The following ABCG5 variants were observed in gnomAD, a reference collection of about 807,000 sequenced individuals.
The protein encoded by ABCG5 is ATP binding cassette subfamily G member 5.
ABCG5 carries 64 observed loss-of-function variants against 64.5 expected under a neutral mutation model. The ratio of observed to expected loss-of-function variants is 0.99; its 90% CI spans 0.81 to 1.22. ABCG5 has a LOEUF of 1.22. ABCG5 is among the 50% of genes most tolerant of loss of function. The pLI is 0.00. For synonymous variants in ABCG5, 385 were observed against 326.3 expected (o/e 1.18, Z -1.94); for missense variants, 908 against 829.5 (o/e 1.09, Z -1.16).
At position 43,823,906 on chromosome 2, in the gene ABCG5, C is replaced by CACT; in HGVS notation, c.1324+4_1324+6dup. 2 of 1,613,720 alleles carry CACT rather than the reference C, an allele frequency of 1.2e-6. No individual in the cohort carries two copies. The highest frequency in any genetic ancestry group is 1.1e-5 in the South Asian group (1 of 91,054). On this transcript the variant is annotated splice_region_variant and intron_variant, in intron 9 of 12. Transcript: ENST00000405322. ...AAGAGGTGCACCTCCAGCACGTGGGCACTTACACAGATTCACAGCGTTCAG... is the reference window on the plus strand; with the variant it reads ...AAGAGGTGCACCTCCAGCACGTGGGCACTACTTACACAGATTCACAGCGTTCAG...
At chr2:43,814,425 T>C (rs1666685355) in intron 12 of ABCG5, 52 bp downstream of exon 12, 2 of 1,149,202 alleles carry the variant, frequency 1.7e-6, no homozygotes. Context: ...CTCCAAGAAA[T>C]TGCTTCCTCA....
chr2:43,811,574 G>C (rs547830337), downstream of ABCG5, among the ~76,000 whole-genome samples: 1 of 152,034 alleles, frequency 6.6e-6, no homozygotes, highest in Non-Finnish European at 1.5e-5. Context: ...CAATCAGAAA[G>C]AGAATCAGTA....
At chr2:43,835,456 A>C (rs1187587746) in intron 2 of ABCG5, among the ~76,000 whole-genome samples, 1 of 152,224 alleles carries the variant, frequency 6.6e-6, no homozygotes, top group African/African-American at 2.4e-5. Context: ...TGTATTTATC[A>C]AAAGGAAGCT....
chr2:43,827,495 G>A (rs550804829), intron 5 of ABCG5, among the ~76,000 whole-genome samples: 1 of 152,212 alleles, frequency 6.6e-6, no homozygotes, highest in African/African-American at 2.4e-5. Context: ...GTTTCCCCAG[G>A]TGATGGGGAA....
rs765168105 is a variant in ABCG5, at chr2:43,823,944, C to G, written c.1293G>C (p.Pro431=). The stretch of plus-strand genomic sequence containing the variant: ...TCACAGCGTTCAGCATGCCTGTGTA[C>G]GGGGTGGCGCCCACAAACTGGTAAA... ...GLLYQFVGAT[P]YTGMLNAVNL... is the part of the protein sequence containing the mutation. Residue 431 remains proline (P), a synonymous_variant, in exon 9 of 13, where the codon CCG becomes CCC. Coordinates refer to ENST00000405322, the MANE Select transcript of ABCG5 (RefSeq NM_022436.3). 17 of 1,614,162 alleles carry G rather than the reference C, an allele frequency of 1.1e-5. No homozygotes were observed. The highest frequency in any genetic ancestry group is 1.4e-5 in the Non-Finnish European group (16 of 1,180,022).
At chr2:43,818,480 A>C (rs956254976) in intron 11 of ABCG5, among the ~76,000 whole-genome samples, 1 of 152,208 alleles carries the variant, frequency 6.6e-6, no homozygotes, top group Non-Finnish European at 1.5e-5. Flanking sequence ...CGGTTTCTAC[A>C]GAACGAGTAT....
chr2:43,820,150 G>T (rs768429197), intron 10 of ABCG5, 50 bp from the exon 11 acceptor site: 3 of 1,568,040 alleles, frequency 1.9e-6, no homozygotes, highest in African/African-American at 2.7e-5. Context: ...TATCATTTAA[G>T]AAAAATACTG....
chr2:43,812,137 G>C (rs4952685), downstream of ABCG5, among the ~76,000 whole-genome samples: 2 of 151,654 alleles, frequency 1.3e-5, no homozygotes, highest in African/African-American at 4.9e-5. Flanking sequence ...TGCAGCCCCT[G>C]CCTCCTAGGT....
At chr2:43,826,843 G>A (rs752142175) in intron 5 of ABCG5, among the ~76,000 whole-genome samples, 1 of 152,190 alleles carries the variant, frequency 6.6e-6, no homozygotes, top group African/African-American at 2.4e-5. Context: ...CTGGCATCAA[G>A]TTGTTTTAAA....
At chr2:43,837,309 TG>T (rs960927664) in intron 2 of ABCG5, among the ~76,000 whole-genome samples, 14 of 151,504 alleles carry the variant, frequency 9.2e-5, no homozygotes, top group African/African-American at 3.4e-4. Context: ...TTTGTAGAGA[TG>T]GGGTCCCACT....
At chr2:43,819,362 A>G (rs1194901607) in intron 11 of ABCG5, among the ~76,000 whole-genome samples, 1 of 152,212 alleles carries the variant, frequency 6.6e-6, no homozygotes, top group Non-Finnish European at 1.5e-5. Flanking sequence ...TATGAAGAAA[A>G]AAATTAAAAT....
intron 10 of ABCG5, 85 bp downstream of exon 10, chr2:43,822,712 C>T (rs1667312607): frequency 4.1e-6 from 6 of 1,463,704 alleles, no homozygotes; most frequent in Non-Finnish European, 1.8e-6. Flanking sequence ...CAGAGAACTT[C>T]ACCCTGGAGC....
intron 4 of ABCG5, among the ~76,000 whole-genome samples, chr2:43,830,360 T>C (rs1340900156): frequency 6.6e-6 from 1 of 152,236 alleles, no homozygotes; most frequent in African/African-American, 2.4e-5. Flanking sequence ...TTGTATTTTT[T>C]ATAGAGGAGA....
intron 10 of ABCG5, among the ~76,000 whole-genome samples, chr2:43,821,397 A>G (rs1029539814): frequency 6.6e-6 from 1 of 152,174 alleles, no homozygotes; most frequent in Non-Finnish European, 1.5e-5. Flanking sequence ...GGCTCCAGCT[A>G]CCTAATCTGC....
chr2:43,820,167 C>T (rs1667095211), intron 10 of ABCG5, 67 bp from the exon 11 acceptor site: 1 of 1,530,324 alleles, frequency 6.5e-7, no homozygotes, highest in Non-Finnish European at 8.9e-7. Context: ...ACTGCACTTG[C>T]CTCTGTGAAT....
chr2:43,815,996 T>G (rs10208987), intron 11 of ABCG5, among the ~76,000 whole-genome samples: 20,270 of 151,088 alleles, frequency 0.13, 1,756 homozygotes, highest in Admixed American at 0.22. Flanking sequence ...GGCCATGAGA[T>G]GGTGGCTGCC....
intron 5 of ABCG5, 98 bp downstream of exon 5, chr2:43,827,885 C>G: frequency 6.4e-7 from 1 of 1,559,582 alleles, no homozygotes; most frequent in Non-Finnish European, 8.7e-7. Flanking sequence ...ACACAAACCC[C>G]TTTCCAAATG....
chr2:43,827,965 G>A lies in ABCG5; in HGVS notation c.634+18C>T. The A allele has an allele frequency of 1.9e-6, 3 of 1,613,790 alleles. No individual in the cohort carries two copies. Among genetic ancestry groups the A allele is most frequent in the East Asian group, 2.2e-5 (1 of 44,878 alleles). On this transcript the variant is annotated intron_variant, in intron 5 of 12. Coordinates refer to ENST00000405322, the MANE Select transcript of ABCG5 (RefSeq NM_022436.3). Reference sequence around the variant, plus strand: ...GATGCCCAGACAGCAGCTAGTAACAGTTCTGGGTGCCACTTACTAGGATCC... The same window carrying A: ...GATGCCCAGACAGCAGCTAGTAACAATTCTGGGTGCCACTTACTAGGATCC...
rs199689137 is a variant in ABCG5 at position 43,822,924 on chromosome 2, G to T, written c.1336C>A (p.Arg446=). ...LNAVNLFPVL[R]AVSDQESQDG... ...TGACTCTCCTGGTCGCTGACAGCTCGCAGCACGGGAACTGGGGATGGAAGG... is the reference window on the plus strand; with the variant it reads ...TGACTCTCCTGGTCGCTGACAGCTCTCAGCACGGGAACTGGGGATGGAAGG... The change falls in exon 10 of 13, where the codon CGA becomes AGA. Residue 446 remains arginine, a synonymous_variant. Transcript: ENST00000405322. 1 of 1,613,828 alleles carries T rather than the reference G, an allele frequency of 6.2e-7. No homozygotes were observed. The highest frequency in any genetic ancestry group is 1.1e-5 in the South Asian group (1 of 91,016).
Sources: gnomAD v4.1 joint callset for allele counts (sites outside exome capture counted in the v4.1 genomes callset) on GRCh38, gnomAD v4.1.1 for gene constraint, MANE v1.5 for transcripts, NCBI Gene and HGNC (gene_info 2026-07-23, HGNC 2026-07-21) for gene names.